Variants in SMARCC1 observed in about 807,000 individuals in gnomAD.
The protein encoded by SMARCC1 is SWI/SNF related BAF chromatin remodeling complex subunit C1, also known as SWI/SNF complex subunit SMARCC1.
In SMARCC1, 43 loss-of-function variants were observed where a neutral mutation model predicts 147.4. The ratio of observed to expected loss-of-function variants is 0.29; its 90% CI spans 0.23 to 0.38. The LOEUF is 0.38. SMARCC1 is among the 10% of genes least tolerant of loss of function. The pLI is 1.00. For missense variants in SMARCC1, 1,119 were observed against 1,381.1 expected (o/e 0.81, Z 3.01); for synonymous variants, 495 against 484.4 (o/e 1.02, Z -0.29).
intron 16 of SMARCC1, among the ~76,000 whole-genome samples, chr3:47,677,806 G>A (rs2033593133): frequency 6.6e-6 from 1 of 152,142 alleles, no homozygotes; most frequent in Non-Finnish European, 1.5e-5. Flanking sequence ...TTGAAGTGCT[G>A]GGAATACAGG....
chr3:47,737,597 T>C (rs1383209558), intron 4 of SMARCC1, among the ~76,000 whole-genome samples: 1 of 152,152 alleles, frequency 6.6e-6, no homozygotes, highest in Non-Finnish European at 1.5e-5. Context: ...CCTTTGTTCT[T>C]TTGGCAATCC....
At position 47,587,878 on chromosome 3, in the gene SMARCC1, A is replaced by C. The variant is rs1446963109; in HGVS notation, c.*331T>G. ...AAAGCAAAAAACTGCAAGAGAGCAA[A>C]AATGGTAAAGACATAGCATGCTAAA... On this transcript the variant is annotated 3_prime_UTR_variant, in exon 28 of 28. Transcript: ENST00000254480. 1 of 274,870 alleles carries C rather than the reference A, an allele frequency of 3.6e-6. No homozygotes were observed. The highest frequency in any genetic ancestry group is 6.9e-6 in the Non-Finnish European group (1 of 145,226). 17.0% of individuals were successfully genotyped at this position (274,870 alleles called of 1,614,324 possible). A position where few individuals can be genotyped will look rare whatever the true frequency, so the allele number is the denominator to read the frequency against.
At chr3:47,738,458 G>A (rs1199637499) in intron 3 of SMARCC1, among the ~76,000 whole-genome samples, 1 of 152,152 alleles carries the variant, frequency 6.6e-6, no homozygotes, top group African/African-American at 2.4e-5. Context: ...GGCTGAGGCG[G>A]GTGGATCAAG....
intron 18 of SMARCC1, among the ~76,000 whole-genome samples, chr3:47,673,735 A>G (rs996008748): frequency 6.6e-6 from 1 of 152,220 alleles, no homozygotes; most frequent in African/African-American, 2.4e-5. Flanking sequence ...TACATACACA[A>G]TAAAATACAC....
intron 13 of SMARCC1, 116 bp from the exon 14 acceptor site, chr3:47,686,286 G>T: frequency 1.2e-6 from 1 of 809,534 alleles, no homozygotes; most frequent in South Asian, 1.9e-5. Flanking sequence ...GATTCGATCA[G>T]ATATTTGAAA....
chr3:47,588,437 T>C (rs886549550), intron 27 of SMARCC1, 131 bp from the exon 28 acceptor site: 12 of 760,046 alleles, frequency 1.6e-5, no homozygotes, highest in African/African-American at 5.2e-5. Flanking sequence ...CTGTGAGGCA[T>C]TGATTCCACT....
intron 25 of SMARCC1, among the ~76,000 whole-genome samples, chr3:47,619,743 G>A (rs879515022): frequency 6.6e-6 from 1 of 152,218 alleles, no homozygotes; most frequent in Admixed American, 6.5e-5. Context: ...GAGAAGCACA[G>A]TAAGTCCCTG....
intron 27 of SMARCC1, among the ~76,000 whole-genome samples, chr3:47,589,296 A>C (rs960123750): frequency 6.6e-6 from 1 of 152,168 alleles, no homozygotes; most frequent in Non-Finnish European, 1.5e-5. Context: ...AGCAGGTGGG[A>C]AGGTTCCACC....
At chr3:47,589,468 T>C (rs1297759237) in intron 27 of SMARCC1, among the ~76,000 whole-genome samples, 3 of 152,182 alleles carry the variant, frequency 2.0e-5, no homozygotes, top group East Asian at 3.8e-4. Context: ...ACTCTCTTGA[T>C]AGGCGAGCTC....
At chr3:47,691,080 T>C (rs1193897773) in intron 12 of SMARCC1, among the ~76,000 whole-genome samples, 2 of 152,162 alleles carry the variant, frequency 1.3e-5, no homozygotes, top group African/African-American at 4.8e-5. Context: ...TTCCCCAAAG[T>C]AGTCTTGGTA....
intron 24 of SMARCC1, among the ~76,000 whole-genome samples, chr3:47,626,455 C>CT (rs747094802): frequency 1.5e-5 from 1 of 64,668 alleles, no homozygotes; most frequent in African/African-American, 4.6e-5. Flanking sequence ...GAGACCCTGT[C>CT]TTTAAAAAAA....
rs964491636 is a variant in SMARCC1, at chr3:47,767,052, G to A, written c.315+5765C>T. Among the ~76,000 whole-genome samples, 7 of 151,620 alleles carry A rather than the reference G, an allele frequency of 4.6e-5. No homozygotes were observed. In the East Asian group the frequency reaches 7.9e-4, roughly 17 times the overall value. On this transcript the variant is annotated intron_variant, in intron 2 of 27. Coordinates refer to ENST00000254480, the MANE Select transcript of SMARCC1 (RefSeq NM_003074.4). ...AACAAAATTAGCCGGGCGTGGTGGC[G>A]GGCACCTGTTGTCCCAGCTACTTGG...
chr3:47,755,019 G>C (rs535875281), intron 2 of SMARCC1, among the ~76,000 whole-genome samples: 1 of 152,014 alleles, frequency 6.6e-6, no homozygotes, highest in African/African-American at 2.4e-5. Flanking sequence ...CTCCAGCCTG[G>C]ATGACAGAGC....
intron 7 of SMARCC1, among the ~76,000 whole-genome samples, chr3:47,718,199 C>A (rs1291245333): frequency 6.9e-6 from 1 of 145,678 alleles, no homozygotes; most frequent in Non-Finnish European, 1.5e-5. Context: ...AATCCCAGCA[C>A]TTTGGGAGGC....
intron 25 of SMARCC1, among the ~76,000 whole-genome samples, chr3:47,617,702 C>G (rs1230581631): frequency 6.6e-6 from 1 of 152,168 alleles, no homozygotes; most frequent in Non-Finnish European, 1.5e-5. Context: ...CTTAATTATA[C>G]ACAAAATGAG....
At chr3:47,665,944 T>C (rs2033415362) in intron 19 of SMARCC1, among the ~76,000 whole-genome samples, 2 of 151,974 alleles carry the variant, frequency 1.3e-5, no homozygotes, top group African/African-American at 2.4e-5. Flanking sequence ...CTCAGCCTCA[T>C]AGATCGATTA....
At chr3:47,604,699 C>CTTTTTTTTTT (rs58702136) in intron 26 of SMARCC1, 1,408 of 115,902 alleles carry the variant, frequency 0.012, 56 homozygotes, top group African/African-American at 0.013. Flanking sequence ...TACTGTTGTT[C>CTTTTTTTTTT]TTTTTTTTTT....
chr3:47,620,047 T>G (rs1016640939), intron 25 of SMARCC1, among the ~76,000 whole-genome samples: 20 of 152,192 alleles, frequency 1.3e-4, no homozygotes, highest in African/African-American at 4.6e-4. Context: ...CCATTTGGAG[T>G]CAGAATCTCT....
At chr3:47,637,914 A>G (rs748738626) in intron 22 of SMARCC1, among the ~76,000 whole-genome samples, 19 of 152,084 alleles carry the variant, frequency 1.2e-4, no homozygotes, top group Non-Finnish European at 4.4e-5. Flanking sequence ...CTCTATTTCA[A>G]TCTTTATAGT....
Sources: allele counts gnomAD v4.1 joint callset (sites outside exome capture counted in the v4.1 genomes callset), GRCh38; gene constraint gnomAD v4.1.1; transcripts MANE v1.5; gene names NCBI Gene and HGNC (gene_info 2026-07-23, HGNC 2026-07-21).